CADPS: variants seen among roughly 807,000 people sequenced by gnomAD.
CADPS encodes calcium-dependent secretion activator 1.
In CADPS, 57 loss-of-function variants were observed where a neutral mutation model predicts 167.3. That is an observed-to-expected ratio of 0.34 (90% CI 0.28 to 0.42). The LOEUF is 0.42. Among genes scored for constraint, CADPS ranks in the 20% least tolerant of loss-of-function variants. The pLI is 1.00. For synonymous variants in CADPS, 676 were observed against 635.3 expected, an observed-to-expected ratio of 1.06 and a Z score of -0.96; for missense variants, 1,414 against 1,738.1, an observed-to-expected ratio of 0.81 and a Z score of 3.32.
At chr3:62,857,857 CTT>C in intron 1 of CADPS, among the ~76,000 whole-genome samples, 1 of 152,086 alleles carries the variant, frequency 6.6e-6, no homozygotes, top group East Asian at 1.9e-4. Flanking sequence ...TTGCTTATCT[CTT>C]CAGTTATAAT....
At chr3:62,525,781 A>G (rs1401402837) in intron 13 of CADPS, among the ~76,000 whole-genome samples, 1 of 151,982 alleles carries the variant, frequency 6.6e-6, no homozygotes, top group Non-Finnish European at 1.5e-5. Context: ...AAAGAAAAAA[A>G]TGTGTTACTC....
In CADPS at chr3:62,848,552, CTTGT is replaced by C. The variant is rs759843967; in HGVS notation, c.441+26033_441+26036del. On this transcript the variant is annotated intron_variant, in intron 1 of 29. Coordinates refer to ENST00000383710, the MANE Select transcript of CADPS (RefSeq NM_003716.4). ...TAAATAGGGAATCCTTTCCCCATTG[CTTGT>C]TTTTCTCAGGTTTGTCAAAGATCAG... is the stretch of plus-strand genomic sequence containing the variant. 8.1e-3 allele frequency among the ~76,000 whole-genome samples: 1,143 copies of C among 140,886 alleles called. 15 individuals are homozygous for C. Among genetic ancestry groups the C allele is most frequent in the South Asian group, 0.079 (323 of 4,066 alleles). The allele number at this position is 140,886 out of a possible 152,430, so 92.4% of individuals were successfully genotyped here. A position where few individuals can be genotyped will look rare whatever the true frequency, so the allele number is the denominator to read the frequency against.
At chr3:62,627,943 T>C (rs1414259411) in intron 6 of CADPS, among the ~76,000 whole-genome samples, 1 of 152,166 alleles carries the variant, frequency 6.6e-6, no homozygotes, top group Non-Finnish European at 1.5e-5. Flanking sequence ...TGGTAAGCAA[T>C]GTGTTCATAA....
Position 62,399,947 on chromosome 3 carries a change from G to C in CADPS, c.3883-362C>G, listed in dbSNP as rs570455709. On this transcript the variant is annotated intron_variant, in intron 29 of 29. Coordinates refer to ENST00000383710, the MANE Select transcript of CADPS (RefSeq NM_003716.4). This position sits in a 1 kb window ranked among gnomAD's most constrained non-coding sequence, Gnocchi z 5.6. Reference sequence around the variant, plus strand: ...ATGTAATATGATAGACACAGGAAGGGGCTATAATATATAAATAATGGATTG... The same window carrying C: ...ATGTAATATGATAGACACAGGAAGGCGCTATAATATATAAATAATGGATTG... Among the ~76,000 whole-genome samples the C allele has an allele frequency of 9.2e-5, 14 of 152,104 alleles. No homozygotes were observed. Among genetic ancestry groups the C allele is most frequent in the Non-Finnish European group, 1.8e-4 (12 of 68,026 alleles).
intron 29 of CADPS, among the ~76,000 whole-genome samples, chr3:62,402,029 G>C (rs1432201487): frequency 6.6e-6 from 1 of 152,154 alleles, no homozygotes; most frequent in East Asian, 1.9e-4. Context: ...ATGAGGCTGG[G>C]TCCATAGTCT....
chr3:62,646,282 G>A (rs1876255), intron 5 of CADPS, among the ~76,000 whole-genome samples: 141,770 of 151,464 alleles, frequency 0.94, 66,993 homozygotes, highest in East Asian at 1. Flanking sequence ...CTCCTGCGTC[G>A]GCCTCCTGAG....
intron 1 of CADPS, among the ~76,000 whole-genome samples, chr3:62,821,055 G>A (rs1186526171): frequency 2.6e-5 from 4 of 152,086 alleles, no homozygotes; most frequent in South Asian, 2.1e-4. Context: ...CACCTTGGCC[G>A]CCCAAAGTGC....
At chr3:62,856,017 T>A (rs1559951028) in intron 1 of CADPS, among the ~76,000 whole-genome samples, 1 of 152,186 alleles carries the variant, frequency 6.6e-6, no homozygotes, top group Admixed American at 6.5e-5. Context: ...CACAATAATA[T>A]GTCATTAAGT....
rs182543202 is a variant in CADPS at position 62,719,957 on chromosome 3, T to C, written c.888+33484A>G. 1.6e-3 allele frequency among the ~76,000 whole-genome samples: 247 copies of C among 152,284 alleles called. 1 individual carries two copies. The highest frequency in any genetic ancestry group is 5.2e-3 in the Admixed American group (80 of 15,298). On this transcript the variant is annotated intron_variant, in intron 3 of 29. Transcript: ENST00000383710. ...GTGAAAGACCCTCCAGAGCTTTCTT[T>C]TGCTCTGGCACAGCGGGAGCATCAT...
chr3:62,502,734 G>A (rs2151354080), intron 17 of CADPS, among the ~76,000 whole-genome samples: 1 of 152,236 alleles, frequency 6.6e-6, no homozygotes, highest in South Asian at 2.1e-4. Context: ...AATGATGAAA[G>A]TTTACGGTAC....
intron 24 of CADPS, among the ~76,000 whole-genome samples, chr3:62,473,114 C>T (rs57043328): frequency 0.081 from 12,233 of 151,678 alleles, 935 homozygotes; most frequent in African/African-American, 0.2. Context: ...TATGAGCACA[C>T]GATGCTGGGA....
chr3:62,579,039 T>C (rs1016258073), intron 8 of CADPS, among the ~76,000 whole-genome samples: 1 of 152,190 alleles, frequency 6.6e-6, no homozygotes, highest in African/African-American at 2.4e-5. Context: ...TTTAAGAAGA[T>C]AGCCAAGTGT....
intron 29 of CADPS, among the ~76,000 whole-genome samples, chr3:62,401,948 G>A (rs1447695913): frequency 6.6e-6 from 1 of 152,110 alleles, no homozygotes; most frequent in Non-Finnish European, 1.5e-5. Context: ...ACAGAAAATG[G>A]AATTCAAGTG....
intron 3 of CADPS, among the ~76,000 whole-genome samples, chr3:62,683,977 G>A (rs2077556274): frequency 6.6e-6 from 1 of 151,958 alleles, no homozygotes; most frequent in East Asian, 1.9e-4. Flanking sequence ...CCTGGCTAAG[G>A]CAAAGGTTTC....
chr3:62,662,046 G>A (rs936171935), intron 4 of CADPS, among the ~76,000 whole-genome samples: 2 of 152,188 alleles, frequency 1.3e-5, no homozygotes, highest in African/African-American at 2.4e-5. Flanking sequence ...GAAATGTTCA[G>A]TAGACTGTTG....
At chr3:62,752,706 A>G (rs55643442) in intron 3 of CADPS, among the ~76,000 whole-genome samples, 5,345 of 152,344 alleles carry the variant, frequency 0.035, 170 homozygotes, top group African/African-American at 0.08. Context: ...AGGCTGCAGA[A>G]TGAGAATCTC....
intron 23 of CADPS, among the ~76,000 whole-genome samples, chr3:62,474,539 A>C (rs962459016): frequency 2.0e-5 from 3 of 152,116 alleles, no homozygotes; most frequent in African/African-American, 7.2e-5. Flanking sequence ...CAGTACCCGG[A>C]ACACTTGTAG....
intron 4 of CADPS, among the ~76,000 whole-genome samples, chr3:62,655,607 T>C (rs912282471): frequency 4.6e-5 from 7 of 152,154 alleles, no homozygotes; most frequent in African/African-American, 1.7e-4. Flanking sequence ...TTTCTGGTTT[T>C]GGATTTTTAC....
intron 1 of CADPS, among the ~76,000 whole-genome samples, chr3:62,777,805 C>G (rs1010315945): frequency 6.6e-6 from 1 of 152,118 alleles, no homozygotes; most frequent in Non-Finnish European, 1.5e-5. Context: ...ATGATGCAGG[C>G]CTAAGCATGC....
Sources: allele counts gnomAD v4.1 joint callset (sites outside exome capture counted in the v4.1 genomes callset), GRCh38; gene constraint gnomAD v4.1.1; non-coding constraint Gnocchi (gnomAD v3.1); transcripts MANE v1.5; gene names NCBI Gene and HGNC (gene_info 2026-07-23, HGNC 2026-07-21).